ATF7IP: variants seen among roughly 807,000 people sequenced by gnomAD.
The protein encoded by ATF7IP is activating transcription factor 7-interacting protein 1.
ATF7IP carries 23 observed loss-of-function variants against 106.4 expected under a neutral mutation model. That is an observed-to-expected ratio of 0.22 (90% CI 0.16 to 0.31). ATF7IP has a LOEUF of 0.31. Ranked by LOEUF, ATF7IP falls within the 10% of genes least tolerant of loss-of-function variation. The pLI is 1.00. For synonymous variants in ATF7IP, 542 were observed against 539.0 expected (o/e 1.01, Z -0.08); for missense variants, 1,334 against 1,524.3 (o/e 0.88, Z 2.08).
intron 1 of ATF7IP, among the ~76,000 whole-genome samples, chr12:14,389,784 C>T (rs1296996734): frequency 3.3e-5 from 5 of 152,116 alleles, no homozygotes; most frequent in African/African-American, 4.8e-5. Context: ...TGCACCACCA[C>T]GCCCGGCTAA....
At chr12:14,421,111 T>C (rs549343886) in intron 1 of ATF7IP, among the ~76,000 whole-genome samples, 1 of 152,378 alleles carries the variant, frequency 6.6e-6, no homozygotes, top group South Asian at 2.1e-4. Flanking sequence ...ATCCTTGTTT[T>C]CTTCTGATCC....
intron 1 of ATF7IP, among the ~76,000 whole-genome samples, chr12:14,389,294 A>G (rs1303860742): frequency 6.6e-6 from 1 of 152,226 alleles, no homozygotes; most frequent in African/African-American, 2.4e-5. Context: ...CTCTGTTAGC[A>G]TAAATTAGCC....
intron 4 of ATF7IP, 73 bp from the exon 5 acceptor site, chr12:14,438,057 A>G: frequency 1.4e-6 from 2 of 1,478,736 alleles, no homozygotes; most frequent in South Asian, 1.2e-5. Flanking sequence ...TGTCTCAAAA[A>G]AAAAGAATAT....
At chr12:14,430,197 C>T (rs1016023095) in intron 2 of ATF7IP, among the ~76,000 whole-genome samples, 7 of 152,122 alleles carry the variant, frequency 4.6e-5, no homozygotes, top group African/African-American at 1.7e-4. Flanking sequence ...TTTGGTGTTT[C>T]AGAAGCCAAG....
intron 9 of ATF7IP, among the ~76,000 whole-genome samples, chr12:14,465,649 T>C (rs1207876696): frequency 6.6e-6 from 1 of 152,128 alleles, no homozygotes; most frequent in Admixed American, 6.5e-5. Context: ...TACTTCTCTT[T>C]TAACAGGTGA....
intron 1 of ATF7IP, among the ~76,000 whole-genome samples, chr12:14,412,326 T>A (rs1327214189): frequency 6.6e-6 from 1 of 152,212 alleles, no homozygotes; most frequent in Non-Finnish European, 1.5e-5. Flanking sequence ...AGAAAATAGC[T>A]AGGATTTTGA....
chr12:14,405,864 T>C (rs1940551549), intron 1 of ATF7IP, among the ~76,000 whole-genome samples: 1 of 152,196 alleles, frequency 6.6e-6, no homozygotes, highest in African/African-American at 2.4e-5. Flanking sequence ...TGTTCTAAGG[T>C]GCCTTGGTTA....
At chr12:14,495,776 G>T (rs1238263839) in intron 13 of ATF7IP, among the ~76,000 whole-genome samples, 1 of 151,994 alleles carries the variant, frequency 6.6e-6, no homozygotes, top group Non-Finnish European at 1.5e-5. Flanking sequence ...TTTTTATGAA[G>T]ATACTCCCAG....
intron 13 of ATF7IP, 94 bp downstream of exon 13, chr12:14,481,279 A>G: frequency 2.6e-6 from 3 of 1,150,490 alleles, no homozygotes; most frequent in Non-Finnish European, 3.7e-6. Flanking sequence ...ATTTTGCAAA[A>G]ATTTCTTATA....
Position 14,466,514 on chromosome 12 carries a change from T to C in ATF7IP, c.2798-12T>C, listed in dbSNP as rs766757759. The C allele has an allele frequency of 8.8e-6, 14 of 1,595,664 alleles. No individual in the cohort carries two copies. The East Asian group carries it at 2.3e-4, about 26-fold the overall frequency. ...GTAGATGTTTTTAAAAATGGCTTTT[T>C]TTACTTTTCAGAAAACCAGACAAAC... On this transcript the variant is annotated splice_polypyrimidine_tract_variant and intron_variant, in intron 9 of 14. Coordinates refer to ENST00000261168, the MANE Select transcript of ATF7IP (RefSeq NM_018179.5).
chr12:14,451,010 A>C (rs1187634471), intron 6 of ATF7IP, among the ~76,000 whole-genome samples: 1 of 151,962 alleles, frequency 6.6e-6, no homozygotes, highest in Non-Finnish European at 1.5e-5. Flanking sequence ...CCTGACCTCA[A>C]GTGAGCCACC....
chr12:14,369,767 T>G (rs972595031), intron 1 of ATF7IP, among the ~76,000 whole-genome samples: 3 of 138,090 alleles, frequency 2.2e-5, no homozygotes, highest in African/African-American at 1.1e-4. Flanking sequence ...AGTTGCTAGT[T>G]TCCATTTTTT....
At chr12:14,379,102 C>G (rs71459150) in intron 1 of ATF7IP, among the ~76,000 whole-genome samples, 3,008 of 152,214 alleles carry the variant, frequency 0.02, 32 homozygotes, top group Middle Eastern at 0.031. Context: ...GGTGGGGCCT[C>G]GTGGGAGATA....
rs753872561 is a variant in ATF7IP at position 14,457,300 on chromosome 12, C to CT, written c.2158+14dup. On this transcript the variant is annotated splice_donor_region_variant and intron_variant, in intron 8 of 14. Transcript: ENST00000261168. ...TTCAAACTCCTGTGAATACAGGTAACTTTTTTTTTAAATACCAAAATACAT... is the reference window on the plus strand; with the variant it reads ...TTCAAACTCCTGTGAATACAGGTAACTTTTTTTTTTAAATACCAAAATACAT... The CT allele has an allele frequency of 2.3e-4, 357 of 1,576,444 alleles. No individual in the cohort carries two copies. The highest frequency in any genetic ancestry group is 1.3e-3 in the African/African-American group (96 of 73,064).
chr12:14,417,975 A>G (rs965740102), intron 1 of ATF7IP, among the ~76,000 whole-genome samples: 2 of 152,198 alleles, frequency 1.3e-5, no homozygotes, highest in African/African-American at 4.8e-5. Flanking sequence ...ATTGTAGGCT[A>G]AGACATAACA....
At position 14,498,187 on chromosome 12, in the gene ATF7IP, A is replaced by T; in HGVS notation, c.*114A>T. 1 of 986,690 alleles carries T rather than the reference A, an allele frequency of 1.0e-6. No individual in the cohort carries two copies. The highest frequency in any genetic ancestry group is 1.5e-6 in the Non-Finnish European group (1 of 665,622). The allele number at this position is 986,690 out of a possible 1,614,324, so 61.1% of individuals were successfully genotyped here. A position where few individuals can be genotyped will look rare whatever the true frequency, so the allele number is the denominator to read the frequency against. Reference sequence around the variant, plus strand: ...ACCTTGTGCAAGATTTCTTGGACAGATGTGTGTATACACTACATTTGTTTA... The same window carrying T: ...ACCTTGTGCAAGATTTCTTGGACAGTTGTGTGTATACACTACATTTGTTTA... On this transcript the variant is annotated 3_prime_UTR_variant, in exon 15 of 15. Transcript: ENST00000261168.
At chr12:14,467,542 A>G (rs1336758557) in intron 10 of ATF7IP, among the ~76,000 whole-genome samples, 2 of 152,192 alleles carry the variant, frequency 1.3e-5, no homozygotes, top group Non-Finnish European at 2.9e-5. Flanking sequence ...TTAAAATTAT[A>G]AGATTGAGAT....
chr12:14,391,455 A>C (rs1199035164), intron 1 of ATF7IP, among the ~76,000 whole-genome samples: 1 of 152,242 alleles, frequency 6.6e-6, no homozygotes, highest in Middle Eastern at 3.2e-3. Flanking sequence ...ACATTAGTAT[A>C]GAAGTTAGGA....
At chr12:14,438,659 G>A (rs143559807) in intron 5 of ATF7IP, among the ~76,000 whole-genome samples, 1 of 152,248 alleles carries the variant, frequency 6.6e-6, no homozygotes, top group African/African-American at 2.4e-5. Context: ...GTCCTTGTAT[G>A]TGTGTCTGTA....
Sources: allele counts gnomAD v4.1 joint callset (sites outside exome capture counted in the v4.1 genomes callset), GRCh38; gene constraint gnomAD v4.1.1; transcripts MANE v1.5; gene names NCBI Gene and HGNC (gene_info 2026-07-23, HGNC 2026-07-21).